Variants in ADAMTS16 observed in about 807,000 individuals in gnomAD.
The protein encoded by ADAMTS16 is A disintegrin and metalloproteinase with thrombospondin motifs 16.
ADAMTS16 carries 94 observed loss-of-function variants against 145.8 expected under a neutral mutation model. That is an observed-to-expected ratio of 0.64 (90% CI 0.55 to 0.77). The LOEUF is 0.77. Ranked by LOEUF, ADAMTS16 falls within the 30% of genes least tolerant of loss-of-function variation. The pLI, the probability that ADAMTS16 is intolerant of heterozygous loss-of-function variation, is 0.00. For synonymous variants in ADAMTS16, 659 were observed against 604.3 expected (o/e 1.09, Z -1.33); for missense variants, 1,585 against 1,591.5 (o/e 1.00, Z 0.07).
At chr5:5,302,384 A>C (rs1037260420) in intron 18 of ADAMTS16, among the ~76,000 whole-genome samples, 2 of 152,248 alleles carry the variant, frequency 1.3e-5, no homozygotes, top group African/African-American at 4.8e-5. Flanking sequence ...TGCTGGAAGA[A>C]TGCCTGATAA....
At chr5:5,311,254 A>G (rs1740415843) in intron 21 of ADAMTS16, among the ~76,000 whole-genome samples, 1 of 142,100 alleles carries the variant, frequency 7.0e-6, no homozygotes, top group Non-Finnish European at 1.5e-5. Context: ...AGTTCAACCC[A>G]GCCCTGCACG....
chr5:5,303,163 G>A (rs146506887), intron 18 of ADAMTS16, 105 bp from the exon 19 acceptor site: 17 of 1,231,136 alleles, frequency 1.4e-5, no homozygotes, highest in East Asian at 2.6e-5. Context: ...GCACACACAC[G>A]ACCGTGGCTG....
At chr5:5,144,909 C>T (rs1312911071) in intron 2 of ADAMTS16, among the ~76,000 whole-genome samples, 1 of 152,148 alleles carries the variant, frequency 6.6e-6, no homozygotes, top group Non-Finnish European at 1.5e-5. Flanking sequence ...ATCTAAGCAG[C>T]CAACTGTGGA....
intron 3 of ADAMTS16, among the ~76,000 whole-genome samples, chr5:5,169,269 A>G (rs1396991062): frequency 6.6e-6 from 1 of 152,194 alleles, no homozygotes; most frequent in Non-Finnish European, 1.5e-5. Flanking sequence ...TTCAACGTAG[A>G]AGGAAATACT....
chr5:5,251,521 A>C (rs1737622269), intron 17 of ADAMTS16, among the ~76,000 whole-genome samples: 1 of 152,248 alleles, frequency 6.6e-6, no homozygotes, highest in Admixed American at 6.5e-5. Context: ...GGTTTCTAAA[A>C]GTCTAAAACC....
At chr5:5,169,188 G>A (rs563405217) in intron 3 of ADAMTS16, among the ~76,000 whole-genome samples, 2 of 152,286 alleles carry the variant, frequency 1.3e-5, no homozygotes, top group African/African-American at 4.8e-5. Flanking sequence ...TCCTTGCATA[G>A]ATGACAGGCT....
Position 5,320,181 on chromosome 5 carries a change from C to A in ADAMTS16, c.*1043C>A, listed in dbSNP as rs1460554320. ...GGGAATCTGCCCGGCGTCTCTGGCA[C>A]CCTCCCTGCCATCCTCAGTGCGGCT... On this transcript the variant is annotated 3_prime_UTR_variant, in exon 23 of 23. Coordinates refer to ENST00000274181, the MANE Select transcript of ADAMTS16 (RefSeq NM_139056.4). This position sits in a 1 kb window ranked among gnomAD's most constrained non-coding sequence, Gnocchi z 5.1. 6.4e-6 allele frequency: 2 copies of A among 311,316 alleles called. No individual in the cohort carries two copies. Among genetic ancestry groups the A allele is most frequent in the Non-Finnish European group, 1.2e-5 (2 of 164,356 alleles). The allele number at this position is 311,316 out of a possible 1,614,324, so 19.3% of individuals were successfully genotyped here. A position where few individuals can be genotyped will look rare whatever the true frequency, so the allele number is the denominator to read the frequency against.
chr5:5,185,035 G>T (rs191897422), intron 4 of ADAMTS16, among the ~76,000 whole-genome samples: 1 of 152,262 alleles, frequency 6.6e-6, no homozygotes, highest in African/African-American at 2.4e-5. Context: ...TGCTCAGCCT[G>T]GGGTACAGAC....
At chr5:5,202,731 C>T (rs1293428664) in intron 9 of ADAMTS16, among the ~76,000 whole-genome samples, 2 of 152,112 alleles carry the variant, frequency 1.3e-5, no homozygotes, top group Non-Finnish European at 2.9e-5. Flanking sequence ...GAGGAAGATA[C>T]AGTAACACTT....
intron 11 of ADAMTS16, among the ~76,000 whole-genome samples, chr5:5,231,160 A>T (rs1279984897): frequency 6.6e-6 from 1 of 152,122 alleles, no homozygotes; most frequent in Non-Finnish European, 1.5e-5. Flanking sequence ...TGAGCCTGAG[A>T]CAGTGGACTT....
intron 17 of ADAMTS16, among the ~76,000 whole-genome samples, chr5:5,259,684 T>A (rs891656941): frequency 2.0e-5 from 3 of 152,232 alleles, no homozygotes; most frequent in African/African-American, 7.2e-5. Flanking sequence ...TCTCACTCAG[T>A]AAATCGGCAC....
intron 3 of ADAMTS16, among the ~76,000 whole-genome samples, chr5:5,174,839 C>G (rs1735145403): frequency 6.6e-6 from 1 of 152,128 alleles, no homozygotes; most frequent in Non-Finnish European, 1.5e-5. Flanking sequence ...ATAGGTACTG[C>G]CTGGCTGCCT....
chr5:5,146,493 T>G (rs750089255), intron 3 of ADAMTS16, 38 bp downstream of exon 3: 8 of 1,556,064 alleles, frequency 5.1e-6, no homozygotes, highest in South Asian at 4.7e-5. Context: ...GAGGCGAGGT[T>G]GGTGATGGTG....
At chr5:5,256,996 G>T (rs1579346978) in intron 17 of ADAMTS16, among the ~76,000 whole-genome samples, 1 of 152,088 alleles carries the variant, frequency 6.6e-6, no homozygotes, top group African/African-American at 2.4e-5. Flanking sequence ...TTTAAATCGG[G>T]TTATCATAAC....
intron 21 of ADAMTS16, among the ~76,000 whole-genome samples, chr5:5,307,152 G>A (rs377465264): frequency 6.6e-6 from 1 of 152,232 alleles, no homozygotes; most frequent in East Asian, 1.9e-4. Flanking sequence ...CCACCATGGA[G>A]CGGGGGTTCC....
intron 18 of ADAMTS16, among the ~76,000 whole-genome samples, chr5:5,282,817 A>G (rs1738971412): frequency 1.3e-5 from 2 of 152,102 alleles, no homozygotes; most frequent in Non-Finnish European, 2.9e-5. Flanking sequence ...CCTATCAGAA[A>G]CCATTTTAAA....
At position 5,310,758 on chromosome 5, in the gene ADAMTS16, T is replaced by C. The variant is rs1377919132; in HGVS notation, c.3411+4030T>C. ...ATACCTTAATTTTGGATTTCTGGCG[T>C]CCTAAACTGTGAAAGAATAAATTTC... On this transcript the variant is annotated intron_variant, in intron 21 of 22. Coordinates refer to ENST00000274181, the MANE Select transcript of ADAMTS16 (RefSeq NM_139056.4). This position sits in a 1 kb window ranked among gnomAD's most constrained non-coding sequence, Gnocchi z 4.3. Among the ~76,000 whole-genome samples, 1 of 152,222 alleles carries C rather than the reference T, an allele frequency of 6.6e-6. No homozygotes were observed. Among genetic ancestry groups the C allele is most frequent in the Non-Finnish European group, 1.5e-5 (1 of 68,040 alleles).
chr5:5,146,265 C>G lies in ADAMTS16; in HGVS notation c.311C>G (p.Ser104Cys), dbSNP rs775983311. The change falls in exon 3 of 23, where the codon TCC (serine) becomes TGC (cysteine). Residue 104 changes from serine to cysteine, a missense_variant. Physicochemically the swap from Ser to Cys is moderately radical, Grantham distance 112 (BLOSUM62 -1). This residue lies in a region of ADAMTS16 where 453 missense variants were observed against 412.1 expected (regional missense o/e 1.10). Transcript: ENST00000274181. ...TCTCTTCACCTTCGGCTGAAAGGCT[C>G]CAGGCACGACTTCCACATGGATCTG... ...VESLHLRLKG[S>C]RHDFHMDLRT... 6.2e-7 allele frequency: 1 copy of G among 1,614,054 alleles called. No homozygotes were observed. The highest frequency in any genetic ancestry group is 8.5e-7 in the Non-Finnish European group (1 of 1,179,964).
At chr5:5,165,112 C>T (rs1431749440) in intron 3 of ADAMTS16, among the ~76,000 whole-genome samples, 1 of 152,150 alleles carries the variant, frequency 6.6e-6, no homozygotes. Flanking sequence ...TTAGCAGTCA[C>T]TCCAGCCCCA....
Sources: gnomAD v4.1 joint callset for allele counts (sites outside exome capture counted in the v4.1 genomes callset) on GRCh38, gnomAD v4.1.1 for gene constraint, gnomAD v4.1.1 regional missense constraint, Gnocchi (gnomAD v3.1) non-coding constraint, MANE v1.5 for transcripts, NCBI Gene and HGNC (gene_info 2026-07-23, HGNC 2026-07-21) for gene names.